Variants in CHRNB4 observed in about 807,000 individuals in gnomAD.
CHRNB4 encodes neuronal acetylcholine receptor subunit beta-4.
In CHRNB4, 23 loss-of-function variants were observed where a neutral mutation model predicts 40.4. The ratio of observed to expected loss-of-function variants is 0.57; its 90% confidence interval spans 0.41 to 0.81. The LOEUF (loss-of-function observed/expected upper bound fraction) is 0.81, where lower values mean the gene tolerates loss of function less well. Ranked by LOEUF, CHRNB4 falls within the 30% of genes least tolerant of loss-of-function variation. CHRNB4 has a pLI of 0.00. For synonymous variants in CHRNB4, 285 were observed against 274.4 expected (o/e 1.04, Z -0.38); for missense variants, 568 against 670.6 (o/e 0.85, Z 1.69).
At chr15:78,640,954 G>T (rs2054058849) in intron 1 of CHRNB4, 125 bp downstream of exon 1, 2 of 1,134,010 alleles carry the variant, frequency 1.8e-6, no homozygotes, top group Non-Finnish European at 2.5e-6. Context: ...CCCCCATCTG[G>T]CCGGGACAAT....
At chr15:78,628,398 C>T (rs922417192) in intron 5 of CHRNB4, among the ~76,000 whole-genome samples, 3 of 152,186 alleles carry the variant, frequency 2.0e-5, no homozygotes, top group African/African-American at 7.2e-5. Flanking sequence ...TTCTGGCACC[C>T]GCATTTCCTC....
intron 1 of CHRNB4, 123 bp from the exon 2 acceptor site, chr15:78,635,710 G>A (rs988844503): frequency 3.9e-6 from 5 of 1,296,380 alleles, no homozygotes; most frequent in South Asian, 1.4e-5. Flanking sequence ...AGCAGCGAAG[G>A]TGCTGGCAGG....
chr15:78,658,394 T>TTGAA (rs954580828), intron 1 of CHRNB4: 8 of 152,240 alleles, frequency 5.3e-5, no homozygotes, highest in Non-Finnish European at 1.0e-4. Flanking sequence ...TAATAAATGT[T>TTGAA]TGAATGAATG....
intron 5 of CHRNB4, among the ~76,000 whole-genome samples, chr15:78,625,696 A>C (rs991439196): frequency 6.6e-6 from 1 of 152,216 alleles, no homozygotes. Context: ...AGCTAAAGAA[A>C]GAACTAGGTG....
At chr15:78,647,437 A>G (rs1459147201) in intron 7 of CHRNB4, among the ~76,000 whole-genome samples, 1 of 151,892 alleles carries the variant, frequency 6.6e-6, no homozygotes, top group East Asian at 1.9e-4. Context: ...AACTTGAATG[A>G]CCTGCAAACA....
chr15:78,626,719 T>C (rs1249404883), intron 5 of CHRNB4: 1 of 152,248 alleles, frequency 6.6e-6, no homozygotes, highest in Non-Finnish European at 1.5e-5. Context: ...ATGGGGGTTC[T>C]ACTAAAAGCC....
chr15:78,660,201 C>T lies in CHRNB4; in HGVS notation c.-851+311G>A, dbSNP rs375969576. On this transcript the variant is annotated intron_variant and NMD_transcript_variant, in intron 1 of 11. Transcript: ENST00000559849. ...CAGCCTGAGCAACAGAGCAAGACTC[C>T]GTCTTAAAAAAAAAAAAAAAGTGAA... Among the ~76,000 whole-genome samples the T allele has an allele frequency of 1.0e-4, 9 of 89,464 alleles. 1 individual carries two copies. Among genetic ancestry groups the T allele is most frequent in the East Asian group, 3.2e-4 (1 of 3,112 alleles). The allele number at this position is 89,464 out of a possible 152,430, so 58.7% of individuals were successfully genotyped here. A position where few individuals can be genotyped will look rare whatever the true frequency, so the allele number is the denominator to read the frequency against.
In CHRNB4 at chr15:78,624,920, T is replaced by C; in HGVS notation, c.*213A>G. On this transcript the variant is annotated 3_prime_UTR_variant, in exon 6 of 6. Coordinates refer to ENST00000261751, the MANE Select transcript of CHRNB4 (RefSeq NM_000750.5). ...CAGAATTGAACTGTCTGAAGCTCCC[T>C]CCTACTGGGGCTTCCTGGGATCCCT... 1 of 1,468,288 alleles carries C rather than the reference T, an allele frequency of 6.8e-7. No homozygotes were observed. The allele number at this position is 1,468,288 out of a possible 1,614,324, so 91.0% of individuals were successfully genotyped here. A position where few individuals can be genotyped will look rare whatever the true frequency, so the allele number is the denominator to read the frequency against.
intron 2 of CHRNB4, among the ~76,000 whole-genome samples, chr15:78,657,849 G>A (rs944318550): frequency 1.7e-4 from 16 of 95,348 alleles, no homozygotes; most frequent in Non-Finnish European, 4.9e-4. Flanking sequence ...ACCGCGCCTG[G>A]CTGAGGCATC....
At chr15:78,641,282 G>A (rs2054070553), upstream of CHRNB4, 1 of 644,548 alleles carries the variant, frequency 1.6e-6, no homozygotes, top group Non-Finnish European at 2.4e-6. Flanking sequence ...GAGCCCCGCC[G>A]AGCCCCGCCC....
chr15:78,627,896 T>A (rs1794675261), intron 5 of CHRNB4: 1 of 152,256 alleles, frequency 6.6e-6, no homozygotes, highest in African/African-American at 2.4e-5. Context: ...TCAGGTTCGG[T>A]GGCTCAAGCC....
intron 7 of CHRNB4, among the ~76,000 whole-genome samples, chr15:78,646,751 A>C (rs993312098): frequency 1.3e-5 from 2 of 152,210 alleles, no homozygotes; most frequent in Non-Finnish European, 2.9e-5. Context: ...CCCATCTCTT[A>C]ACACCATTAT....
chr15:78,634,570 G>A (rs1033699313), intron 2 of CHRNB4: 4 of 371,468 alleles, frequency 1.1e-5, no homozygotes, highest in South Asian at 4.0e-5. Flanking sequence ...GGCTGGGTGT[G>A]TGTGGGCCAA....
chr15:78,660,035 C>T (rs1470798092), intron 1 of CHRNB4, among the ~76,000 whole-genome samples: 1 of 152,066 alleles, frequency 6.6e-6, no homozygotes. Flanking sequence ...GGTGAAACCC[C>T]TTCTCTACTA....
intron 1 of CHRNB4, among the ~76,000 whole-genome samples, chr15:78,637,867 C>T (rs527316481): frequency 6.6e-6 from 1 of 152,300 alleles, no homozygotes; most frequent in Admixed American, 6.5e-5. Flanking sequence ...CCTATGGATG[C>T]TTGGCCTAGA....
At chr15:78,660,191 A>G (rs983945291) in intron 1 of CHRNB4, among the ~76,000 whole-genome samples, 1 of 145,988 alleles carries the variant, frequency 6.8e-6, no homozygotes, top group Non-Finnish European at 1.5e-5. Flanking sequence ...TGAGCAACAG[A>G]GCAAGACTCC....
intron 4 of CHRNB4, chr15:78,630,866 G>T: frequency 1.8e-6 from 1 of 565,568 alleles, no homozygotes; most frequent in Non-Finnish European, 3.2e-6. Flanking sequence ...ATCAGACAAG[G>T]TCCCTCCCCT....
intron 4 of CHRNB4, among the ~76,000 whole-genome samples, chr15:78,630,481 CCT>C (rs1252312562): frequency 2.0e-5 from 3 of 152,164 alleles, no homozygotes; most frequent in African/African-American, 7.2e-5. Context: ...CTCATTTAAG[CCT>C]CTCAGTAGTC....
chr15:78,660,540 G>A (rs1330098641), upstream of CHRNB4: 2 of 153,404 alleles, frequency 1.3e-5, no homozygotes, highest in Non-Finnish European at 2.9e-5. Context: ...TCTGTGAGGT[G>A]GTGTAGTTCT....
Sources: allele counts gnomAD v4.1 joint callset (sites outside exome capture counted in the v4.1 genomes callset), GRCh38; gene constraint gnomAD v4.1.1; transcripts MANE v1.5; gene names NCBI Gene and HGNC (gene_info 2026-07-23, HGNC 2026-07-21).